The following FHIT variants were observed in gnomAD, a reference collection of about 807,000 sequenced individuals.
FHIT encodes the protein fragile histidine triad diadenosine triphosphatase, also known as bis(5'-adenosyl)-triphosphatase.
Under a neutral mutation model 17.9 loss-of-function variants are expected in FHIT, and 19 were observed. The ratio of observed to expected loss-of-function variants is 1.06; its 90% CI spans 0.74 to 1.56. The LOEUF (loss-of-function observed/expected upper bound fraction) is 1.56. Among genes scored for constraint, FHIT ranks in the 40% most tolerant of loss-of-function variants. The pLI is 0.00. For synonymous variants in FHIT, 81 were observed against 69.7 expected (o/e 1.16, Z -0.81); for missense variants, 248 against 189.2 (o/e 1.31, Z -1.82).
At chr3:60,324,852 A>G (rs1176082243) in intron 5 of FHIT, among the ~76,000 whole-genome samples, 1 of 151,976 alleles carries the variant, frequency 6.6e-6, no homozygotes, top group Non-Finnish European at 1.5e-5. Context: ...ATTTGAACAA[A>G]TATGGTTACT....
At chr3:59,863,804 C>A (rs533729993) in intron 8 of FHIT, among the ~76,000 whole-genome samples, 20 of 152,342 alleles carry the variant, frequency 1.3e-4, no homozygotes, top group African/African-American at 3.6e-4. Context: ...CATTGCTTAA[C>A]CAAAGCATTG....
At chr3:60,571,400 G>GA (rs1451510020) in intron 4 of FHIT, among the ~76,000 whole-genome samples, 2 of 109,216 alleles carry the variant, frequency 1.8e-5, no homozygotes, top group East Asian at 5.4e-4. Flanking sequence ...CTGAGATCAA[G>GA]AAAAAAAATT....
At chr3:60,930,266 G>C (rs1430393738) in intron 3 of FHIT, among the ~76,000 whole-genome samples, 1 of 152,050 alleles carries the variant, frequency 6.6e-6, no homozygotes, top group Non-Finnish European at 1.5e-5. Flanking sequence ...AAAAACCCTA[G>C]AAGAAAACCT....
intron 7 of FHIT, among the ~76,000 whole-genome samples, chr3:60,000,038 T>C (rs933354004): frequency 5.9e-5 from 9 of 152,206 alleles, no homozygotes; most frequent in African/African-American, 1.9e-4. Context: ...TGTTTTGCTC[T>C]GAGGCATGTT....
At chr3:59,886,557 G>C (rs1272101950) in intron 8 of FHIT, among the ~76,000 whole-genome samples, 3 of 152,178 alleles carry the variant, frequency 2.0e-5, no homozygotes, top group Non-Finnish European at 2.9e-5. Flanking sequence ...TGTGTGTGCA[G>C]AGATCACATG....
intron 5 of FHIT, among the ~76,000 whole-genome samples, chr3:60,107,948 A>C (rs1249981879): frequency 6.6e-6 from 1 of 152,208 alleles, no homozygotes; most frequent in Non-Finnish European, 1.5e-5. Flanking sequence ...TAATCATTTA[A>C]TTTGAAACAA....
chr3:60,035,283 C>T (rs1351900820), intron 5 of FHIT, among the ~76,000 whole-genome samples: 1 of 152,228 alleles, frequency 6.6e-6, no homozygotes, highest in East Asian at 1.9e-4. Flanking sequence ...GTTGCCCAGG[C>T]TGGAGTGCAA....
At chr3:60,599,813 C>T (rs936169789) in intron 4 of FHIT, among the ~76,000 whole-genome samples, 2 of 152,070 alleles carry the variant, frequency 1.3e-5, no homozygotes, top group African/African-American at 4.8e-5. Flanking sequence ...ATCGTTCTTG[C>T]CCATCTAAAC....
rs1361057900 is a variant in FHIT at position 60,433,006 on chromosome 3, T to A, written c.103+103854A>T. On this transcript the variant is annotated intron_variant, in intron 5 of 9. Coordinates refer to ENST00000492590, the MANE Select transcript of FHIT (RefSeq NM_002012.4). ...GATAATATTGTTAACTGTACACACA[T>A]TACACAGATCATCTCTAGAACTAAT... Among the ~76,000 whole-genome samples the A allele has an allele frequency of 3.9e-5, 6 of 152,092 alleles. No homozygotes were observed. The South Asian group carries it at 8.3e-4, about 21-fold the overall frequency.
Position 59,760,182 on chromosome 3 carries a change from G to A in FHIT, c.349-7861C>T, listed in dbSNP as rs1246927140. The stretch of plus-strand genomic sequence containing the variant: ...AGCAAGTATTTTTAGTGCTGCCTGT[G>A]GGGCCAAAATGCTGAAATAAGCTCT... On this transcript the variant is annotated intron_variant, in intron 8 of 9. Coordinates refer to ENST00000492590, the MANE Select transcript of FHIT (RefSeq NM_002012.4). Among the ~76,000 whole-genome samples the A allele has an allele frequency of 3.3e-5, 5 of 152,254 alleles. No homozygotes were observed. The East Asian group carries it at 9.7e-4, about 29-fold the overall frequency.
At chr3:60,164,476 T>C (rs1205264218) in intron 5 of FHIT, among the ~76,000 whole-genome samples, 1 of 152,216 alleles carries the variant, frequency 6.6e-6, no homozygotes, top group Non-Finnish European at 1.5e-5. Flanking sequence ...TGATGGATAT[T>C]AGAAAATAAT....
At chr3:59,883,101 G>A (rs967436713) in intron 8 of FHIT, among the ~76,000 whole-genome samples, 6 of 152,178 alleles carry the variant, frequency 3.9e-5, no homozygotes, top group East Asian at 3.9e-4. Flanking sequence ...CACAAGAGCT[G>A]TTTGTATAAT....
Position 60,600,593 on chromosome 3 carries a change from A to T in FHIT, c.-17-63614T>A, listed in dbSNP as rs144671330. 2.2e-4 allele frequency among the ~76,000 whole-genome samples: 33 copies of T among 152,306 alleles called. No individual in the cohort carries two copies. The East Asian group carries it at 4.8e-3, about 22-fold the overall frequency. The stretch of plus-strand genomic sequence containing the variant: ...AAGAAAACAAAGATTCTGATACGTC[A>T]GCCCCACCAACTCACCCTAATCCAA... On this transcript the variant is annotated intron_variant, in intron 4 of 9. Transcript: ENST00000492590.
intron 5 of FHIT, among the ~76,000 whole-genome samples, chr3:60,133,097 G>A (rs1373757064): frequency 6.6e-6 from 1 of 152,092 alleles, no homozygotes; most frequent in East Asian, 1.9e-4. Flanking sequence ...AAAAGCTAAT[G>A]GAAATCCGGT....
chr3:60,295,401 C>T (rs1419307860), intron 5 of FHIT, among the ~76,000 whole-genome samples: 1 of 152,086 alleles, frequency 6.6e-6, no homozygotes, highest in African/African-American at 2.4e-5. Context: ...AGCTCCCACT[C>T]ATAGCTGAAG....
intron 4 of FHIT, among the ~76,000 whole-genome samples, chr3:60,787,151 G>A (rs1022731300): frequency 6.6e-6 from 1 of 152,138 alleles, no homozygotes; most frequent in Non-Finnish European, 1.5e-5. Flanking sequence ...CAGCTTCCAA[G>A]TAATGACCCA....
In FHIT at chr3:59,960,625, G is replaced by A. The variant is rs531201083; in HGVS notation, c.280-38211C>T. 1.5e-3 allele frequency among the ~76,000 whole-genome samples: 231 copies of A among 152,180 alleles called. 7 individuals carry two copies. The South Asian group carries it at 0.037, about 25-fold the overall frequency. On this transcript the variant is annotated intron_variant, in intron 7 of 9. Coordinates refer to ENST00000492590, the MANE Select transcript of FHIT (RefSeq NM_002012.4). ...AGGCTTTGGGATAGATAGAGAAGGG[G>A]TACTTTGGAAAACAATGTTCATGGA...
At chr3:60,873,855 G>A (rs188782226) in intron 3 of FHIT, among the ~76,000 whole-genome samples, 9 of 152,220 alleles carry the variant, frequency 5.9e-5, no homozygotes, top group East Asian at 5.8e-4. Context: ...GATAAACTTC[G>A]ATGTATAGAA....
chr3:60,226,997 A>C (rs1704238967), intron 5 of FHIT, among the ~76,000 whole-genome samples: 2 of 152,192 alleles, frequency 1.3e-5, no homozygotes, highest in Non-Finnish European at 1.5e-5. Flanking sequence ...TAATCTCAAT[A>C]AACTAGCAGT....
Sources: gnomAD v4.1 joint callset for allele counts (sites outside exome capture counted in the v4.1 genomes callset) on GRCh38, gnomAD v4.1.1 for gene constraint, MANE v1.5 for transcripts, NCBI Gene and HGNC (gene_info 2026-07-23, HGNC 2026-07-21) for gene names.